Variants in KAZN observed in about 807,000 individuals in gnomAD.
KAZN encodes kazrin.
Under a neutral mutation model 87.4 loss-of-function variants are expected in KAZN, and 40 were observed. The observed-to-expected ratio is 0.46, with a 90% CI of 0.36 to 0.60. The LOEUF (loss-of-function observed/expected upper bound fraction) is 0.60. Among genes scored for constraint, KAZN ranks in the 20% least tolerant of loss-of-function variants. The probability of loss-of-function intolerance (pLI) is 0.00; values close to 1 mark genes in which losing one functional copy is unlikely to be tolerated. For synonymous variants in KAZN, 466 were observed against 458.3 expected, an observed-to-expected ratio of 1.02 and a Z score of -0.22; for missense variants, 898 against 1,073.9, an observed-to-expected ratio of 0.84 and a Z score of 2.29.
At chr1:13,948,065 A>T (rs1270229009) in intron 1 of KAZN, among the ~76,000 whole-genome samples, 1 of 152,200 alleles carries the variant, frequency 6.6e-6, no homozygotes, top group Non-Finnish European at 1.5e-5. Context: ...CAAGATCCTT[A>T]ATGGCAAAGA....
intron 1 of KAZN, among the ~76,000 whole-genome samples, chr1:13,948,260 T>G (rs1364993877): frequency 1.3e-5 from 2 of 152,214 alleles, no homozygotes; most frequent in African/African-American, 4.8e-5. Context: ...CACCTTGAAT[T>G]GTAATGATCC....
intron 1 of KAZN, among the ~76,000 whole-genome samples, chr1:14,653,211 A>AT (rs1354937319): frequency 6.6e-6 from 1 of 152,212 alleles, no homozygotes; most frequent in African/African-American, 2.4e-5. Flanking sequence ...TCCAGTAGGA[A>AT]TTGGAAAGTG....
chr1:14,415,233 A>G (rs1664651955), intron 2 of KAZN, among the ~76,000 whole-genome samples: 1 of 152,118 alleles, frequency 6.6e-6, no homozygotes, highest in African/African-American at 2.4e-5. Flanking sequence ...ATTATAAAAT[A>G]TTTTTTTAAT....
chr1:15,060,130 G>A lies in KAZN; in HGVS notation c.917-42G>A, dbSNP rs369362414. 86 of 1,611,456 alleles carry A rather than the reference G, an allele frequency of 5.3e-5. No homozygotes were observed. In the African/African-American group the frequency reaches 8.7e-4, roughly 16 times the overall value. On this transcript the variant is annotated intron_variant, in intron 5 of 14. Coordinates refer to ENST00000376030, the MANE Select transcript of KAZN (RefSeq NM_201628.3). ...CCGCCAAGGCAGCACAGGCGAGGAC[G>A]TTCTCTCCATCCCTCACTCACCAGC...
At chr1:14,696,302 T>G (rs953408174) in intron 1 of KAZN, among the ~76,000 whole-genome samples, 1 of 152,176 alleles carries the variant, frequency 6.6e-6, no homozygotes, top group African/African-American at 2.4e-5. Flanking sequence ...TGCTAACAGA[T>G]TGGCATAGGC....
intron 10 of KAZN, among the ~76,000 whole-genome samples, chr1:15,098,750 C>T (rs192165898): frequency 1.3e-5 from 2 of 152,336 alleles, no homozygotes; most frequent in East Asian, 3.9e-4. Flanking sequence ...CAGAAGTTTC[C>T]AGTTCAGGAG....
At chr1:14,787,682 A>G (rs1645549177) in intron 1 of KAZN, among the ~76,000 whole-genome samples, 1 of 152,118 alleles carries the variant, frequency 6.6e-6, no homozygotes, top group African/African-American at 2.4e-5. Flanking sequence ...AGAGAGTACA[A>G]TGTGTCTGGT....
At chr1:14,984,189 C>G (rs1278573063) in intron 2 of KAZN, among the ~76,000 whole-genome samples, 1 of 151,968 alleles carries the variant, frequency 6.6e-6, no homozygotes, top group Non-Finnish European at 1.5e-5. Context: ...AAAACTCCAT[C>G]TCTACTAAAA....
intron 2 of KAZN, among the ~76,000 whole-genome samples, chr1:14,981,795 A>G (rs1274226245): frequency 1.3e-5 from 2 of 152,216 alleles, no homozygotes; most frequent in African/African-American, 2.4e-5. Context: ...ATAAGGAGCA[A>G]TACCCTCTGG....
In KAZN at chr1:14,256,542, A is replaced by G. The variant is rs1460930220; in HGVS notation, c.249+75950A>G. Among the ~76,000 whole-genome samples the G allele has an allele frequency of 2.0e-5, 3 of 152,016 alleles. No individual in the cohort carries two copies. In the East Asian group the frequency reaches 5.8e-4, roughly 29 times the overall value. ...GAGGGAGGCAAGAGAGTACCCTGTT[A>G]TTCACCTGTCCCCTGAGGTCTTTAT... On this transcript the variant is annotated intron_variant, in intron 2 of 16. Transcript: ENST00000636203.
chr1:14,853,384 G>T (rs118099942), intron 1 of KAZN, among the ~76,000 whole-genome samples: 3 of 152,206 alleles, frequency 2.0e-5, no homozygotes, highest in African/African-American at 7.2e-5. Flanking sequence ...GGTGCCAGGC[G>T]TTTTTCTACG....
At chr1:14,943,653 G>A (rs892222282) in intron 1 of KAZN, among the ~76,000 whole-genome samples, 1 of 152,264 alleles carries the variant, frequency 6.6e-6, no homozygotes, top group South Asian at 2.1e-4. Context: ...ACTGAGTCAC[G>A]GAGAGGTGAG....
chr1:14,219,148 A>G (rs969662228), intron 2 of KAZN, among the ~76,000 whole-genome samples: 3 of 152,182 alleles, frequency 2.0e-5, no homozygotes, highest in African/African-American at 7.2e-5. Context: ...GGTAACCTGT[A>G]GACTAATAGA....
At chr1:14,292,580 G>T (rs1027424541) in intron 2 of KAZN, among the ~76,000 whole-genome samples, 1 of 152,202 alleles carries the variant, frequency 6.6e-6, no homozygotes, top group Admixed American at 6.5e-5. Flanking sequence ...CCCACTGCAG[G>T]CATCTGACTT....
intron 1 of KAZN, among the ~76,000 whole-genome samples, chr1:14,731,970 A>G (rs1423819699): frequency 6.6e-6 from 1 of 152,238 alleles, no homozygotes; most frequent in Admixed American, 6.5e-5. Context: ...CACAGTTCCC[A>G]AATGGTGCGG....
At chr1:14,337,492 C>T (rs991779354) in intron 2 of KAZN, among the ~76,000 whole-genome samples, 5 of 152,194 alleles carry the variant, frequency 3.3e-5, no homozygotes, top group African/African-American at 9.6e-5. Flanking sequence ...AGACTTGAAG[C>T]AGAGTTTTAG....
At chr1:14,079,368 A>G (rs1643587025) in intron 1 of KAZN, among the ~76,000 whole-genome samples, 1 of 152,246 alleles carries the variant, frequency 6.6e-6, no homozygotes, top group Non-Finnish European at 1.5e-5. Context: ...AATAAAACAT[A>G]AAAACTGTTC....
chr1:13,982,915 A>C (rs1557762485), intron 1 of KAZN, among the ~76,000 whole-genome samples: 2 of 152,092 alleles, frequency 1.3e-5, no homozygotes, highest in Non-Finnish European at 1.5e-5. Flanking sequence ...CCAAGGCCCC[A>C]CCAGAGCAGC....
intron 1 of KAZN, among the ~76,000 whole-genome samples, chr1:14,749,861 G>A (rs1260961459): frequency 6.6e-6 from 1 of 152,108 alleles, no homozygotes; most frequent in Non-Finnish European, 1.5e-5. Context: ...AGCAGTGAGA[G>A]TAATAATGCC....
Sources: gnomAD v4.1 joint callset for allele counts (sites outside exome capture counted in the v4.1 genomes callset) on GRCh38, gnomAD v4.1.1 for gene constraint, MANE v1.5 for transcripts, NCBI Gene and HGNC (gene_info 2026-07-23, HGNC 2026-07-21) for gene names.